The following ANKRD30B variants were observed in gnomAD, a reference collection of about 807,000 sequenced individuals.
ANKRD30B encodes the protein ankyrin repeat domain-containing protein 30B.
Under a neutral mutation model 202.2 loss-of-function variants are expected in ANKRD30B, and 144 were observed. The observed-to-expected ratio is 0.71, with a 90% CI of 0.62 to 0.82. The LOEUF is 0.82. Among genes scored for constraint, ANKRD30B ranks in the 40% least tolerant of loss-of-function variants. The pLI, the probability that ANKRD30B is intolerant of heterozygous loss-of-function variation, is 0.00. For synonymous variants in ANKRD30B, 508 were observed against 561.3 expected (o/e 0.91, Z 1.34); for missense variants, 1,487 against 1,669.1 (o/e 0.89, Z 1.90).
rs1969333637 is a variant in ANKRD30B at position 14,803,730 on chromosome 18, A to T, written c.2194-4A>T. 5 of 1,593,002 alleles carry T rather than the reference A, an allele frequency of 3.1e-6. No individual in the cohort carries two copies. In the African/African-American group the frequency reaches 5.5e-5, roughly 17 times the overall value. On this transcript the variant is annotated splice_polypyrimidine_tract_variant and splice_region_variant and intron_variant, in intron 23 of 43. Transcript: ENST00000690538. The stretch of plus-strand genomic sequence containing the variant: ...AAATTATTTATTGATATTACTTTTA[A>T]CAGAGTTTCCTTGAGACTCTCTTAC...
At chr18:14,831,573 T>C (rs1023296016) in intron 34 of ANKRD30B, 118 bp downstream of exon 34, 1 of 539,602 alleles carries the variant, frequency 1.9e-6, no homozygotes, top group Non-Finnish European at 3.2e-6. Flanking sequence ...AATATAAAGT[T>C]GGTCACATAA....
chr18:14,864,386 A>G, the ANKRD30B span, among the ~76,000 whole-genome samples: 56 of 152,232 alleles, frequency 3.7e-4, no homozygotes, highest in East Asian at 8.3e-3. Context: ...CCCTGAAATC[A>G]TATCAATTAT....
chr18:14,893,896 A>G, the ANKRD30B span, among the ~76,000 whole-genome samples: 1 of 150,946 alleles, frequency 6.6e-6, no homozygotes, highest in Non-Finnish European at 1.5e-5. Context: ...AAAGCATATT[A>G]CATAGATGCA....
rs1967812314 is a variant in ANKRD30B at position 14,782,492 on chromosome 18, A to C, written c.1483-35A>C. On this transcript the variant is annotated intron_variant, in intron 11 of 43. Coordinates refer to ENST00000690538, the MANE Select transcript of ANKRD30B (RefSeq NM_001367607.2). ...AATTTTGATGCTTCTTATGATTTTA[A>C]AATTGAAATTATCTATTGATACTAC... is the stretch of plus-strand genomic sequence containing the variant. 3 of 1,419,796 alleles carry C rather than the reference A, an allele frequency of 2.1e-6. No individual in the cohort carries two copies. In the African/African-American group the frequency reaches 4.4e-5, roughly 21 times the overall value. 87.9% of individuals were successfully genotyped at this position (1,419,796 alleles called of 1,614,324 possible). A position where few individuals can be genotyped will look rare whatever the true frequency, so the allele number is the denominator to read the frequency against.
the ANKRD30B span, among the ~76,000 whole-genome samples, chr18:14,931,437 C>G: frequency 1.3e-5 from 2 of 152,198 alleles, no homozygotes; most frequent in African/African-American, 4.8e-5. Context: ...CTGGTCACCT[C>G]CACCCCTCCT....
rs557281233 is a variant in ANKRD30B, at chr18:14,839,822, C to T, written c.2989-766C>T. Among the ~76,000 whole-genome samples, 12 of 152,294 alleles carry T rather than the reference C, an allele frequency of 7.9e-5. No individual in the cohort carries two copies. The South Asian group carries it at 2.5e-3, about 32-fold the overall frequency. ...AGCTTTTAACAGAGTTCTGTTCCTA[C>T]TTCGCACGACATACTCTGAAAATTC... On this transcript the variant is annotated intron_variant, in intron 36 of 43. Coordinates refer to ENST00000690538, the MANE Select transcript of ANKRD30B (RefSeq NM_001367607.2).
chr18:14,851,283 G>A (rs71350571), intron 41 of ANKRD30B, among the ~76,000 whole-genome samples: 10 of 146,432 alleles, frequency 6.8e-5, no homozygotes, highest in African/African-American at 2.3e-4. Flanking sequence ...TTCTCTAGTC[G>A]TTTCTCTTTT....
chr18:14,751,231 A>C (rs1913397134), intron 1 of ANKRD30B, among the ~76,000 whole-genome samples: 1 of 152,034 alleles, frequency 6.6e-6, no homozygotes, highest in African/African-American at 2.4e-5. Flanking sequence ...TTTTATTATT[A>C]GAAAAATAAA....
chr18:14,848,261 G>A (rs1971737129), intron 39 of ANKRD30B, among the ~76,000 whole-genome samples: 1 of 152,002 alleles, frequency 6.6e-6, no homozygotes, highest in African/African-American at 2.4e-5. Context: ...TTTTAGCTAA[G>A]AAGAAAAATC....
the ANKRD30B span, among the ~76,000 whole-genome samples, chr18:14,880,589 G>A: frequency 6.7e-6 from 1 of 149,170 alleles, no homozygotes; most frequent in African/African-American, 2.5e-5. Flanking sequence ...TTTTCAGGGG[G>A]AGTTTCGCTC....
At chr18:14,922,536 T>G in the ANKRD30B span, among the ~76,000 whole-genome samples, 3,423 of 151,186 alleles carry the variant, frequency 0.023, 150 homozygotes, top group African/African-American at 0.079. Flanking sequence ...ATGCCTGTAC[T>G]CCCAGCTACT....
rs769208440 is a variant in ANKRD30B, at chr18:14,763,922, C to CAAAAGA, written c.1057_1058insAAAAGA (p.Pro353delinsGlnLysThr). 211 of 1,605,894 alleles carry CAAAAGA rather than the reference C, an allele frequency of 1.3e-4. No homozygotes were observed. The highest frequency in any genetic ancestry group is 1.7e-4 in the Non-Finnish European group (199 of 1,176,634). ...AGAAACATCTGAGAAATTTTCATGG[C>CAAAAGA]CAGCAAAAGAAAGATCTAGGAAGAT... is the stretch of plus-strand genomic sequence containing the variant. On this transcript the variant is annotated protein_altering_variant, in exon 7 of 44. Coordinates refer to ENST00000690538, the MANE Select transcript of ANKRD30B (RefSeq NM_001367607.2).
chr18:14,771,827 T>C (rs1033260213), intron 8 of ANKRD30B, among the ~76,000 whole-genome samples: 2 of 152,194 alleles, frequency 1.3e-5, no homozygotes, highest in African/African-American at 4.8e-5. Flanking sequence ...CAGTTCATCA[T>C]TGAGGACAGT....
At chr18:14,901,838 A>G in the ANKRD30B span, among the ~76,000 whole-genome samples, 300 of 152,308 alleles carry the variant, frequency 2.0e-3, 1 homozygote, top group African/African-American at 6.6e-3. Flanking sequence ...GCTTTGAGGA[A>G]CTAAGAAGCT....
At position 14,808,532 on chromosome 18, in the gene ANKRD30B, T is replaced by C. The variant is rs192588857; in HGVS notation, c.2285-19T>C. 9.8e-4 allele frequency: 1,404 copies of C among 1,430,358 alleles called. 71 individuals are homozygous for C. In the African/African-American group the frequency reaches 0.018, roughly 18 times the overall value. The allele number at this position is 1,430,358 out of a possible 1,614,324, so 88.6% of individuals were successfully genotyped here. A position where few individuals can be genotyped will look rare whatever the true frequency, so the allele number is the denominator to read the frequency against. On this transcript the variant is annotated intron_variant, in intron 24 of 43. Coordinates refer to ENST00000690538, the MANE Select transcript of ANKRD30B (RefSeq NM_001367607.2). The stretch of plus-strand genomic sequence containing the variant: ...TCAGGCTTGCATATAATCAATTATA[T>C]ATGTCCCTTTTCTTTTAGAGTCTCC...
intron 15 of ANKRD30B, 39 bp downstream of exon 15, chr18:14,787,139 C>T (rs1968140369): frequency 6.5e-7 from 1 of 1,542,388 alleles, no homozygotes; most frequent in Non-Finnish European, 8.9e-7. Flanking sequence ...ATTAGTATTG[C>T]ATGAGATGAA....
At chr18:14,934,906 T>TA in the ANKRD30B span, among the ~76,000 whole-genome samples, 10 of 111,880 alleles carry the variant, frequency 8.9e-5, no homozygotes, top group South Asian at 3.4e-4. Context: ...CTCCTCCCTC[T>TA]ACCACACACA....
chr18:14,828,469 G>T (rs1970756799), intron 33 of ANKRD30B, among the ~76,000 whole-genome samples, 161 bp downstream of exon 33: 2 of 152,156 alleles, frequency 1.3e-5, no homozygotes, highest in African/African-American at 4.8e-5. Context: ...AAGCATCTGT[G>T]CTACTGTCAC....
At chr18:14,848,507 G>C (rs1971746424) in intron 39 of ANKRD30B, among the ~76,000 whole-genome samples, 1 of 151,708 alleles carries the variant, frequency 6.6e-6, no homozygotes, top group South Asian at 2.1e-4. Flanking sequence ...TAACTTTTCT[G>C]GGGCTTTGCT....
Sources: allele counts gnomAD v4.1 joint callset (sites outside exome capture counted in the v4.1 genomes callset), GRCh38; gene constraint gnomAD v4.1.1; transcripts MANE v1.5; gene names NCBI Gene and HGNC (gene_info 2026-07-23, HGNC 2026-07-21).